The following FMN1 variants were observed in gnomAD, a reference collection of about 807,000 sequenced individuals.
FMN1 encodes the protein formin 1, also known as formin-1.
FMN1 carries 110 observed loss-of-function variants against 132.4 expected under a neutral mutation model. The ratio of observed to expected loss-of-function variants is 0.83; its 90% CI spans 0.71 to 0.97. The LOEUF is 0.97. FMN1 is among the 50% of genes least tolerant of loss of function. FMN1 has a pLI of 0.00. For missense variants in FMN1, 1,792 were observed against 1,705.3 expected (o/e 1.05, Z -0.90); for synonymous variants, 722 against 651.7 (o/e 1.11, Z -1.64).
rs1285603329 is a variant in FMN1 at position 32,926,092 on chromosome 15, T to A, written c.3226+82A>T. ...TAGGATTCATTAGGGCATTCTAACTTTGTATGTGTTTGACATTCTTCAGAA... is the reference window on the plus strand; with the variant it reads ...TAGGATTCATTAGGGCATTCTAACTATGTATGTGTTTGACATTCTTCAGAA... On this transcript the variant is annotated intron_variant, in intron 10 of 20. Transcript: ENST00000616417. The A allele has an allele frequency of 3.9e-6, 3 of 766,292 alleles. No homozygotes were observed. The East Asian group carries it at 8.1e-5, about 21-fold the overall frequency. 47.5% of individuals were successfully genotyped at this position (766,292 alleles called of 1,614,324 possible).
intron 9 of FMN1, among the ~76,000 whole-genome samples, chr15:32,956,355 C>A (rs1173142938): frequency 2.1e-5 from 3 of 140,920 alleles, no homozygotes; most frequent in Non-Finnish European, 3.0e-5. Context: ...CAAGTCCTAA[C>A]CACTCTTTTT....
At chr15:32,837,179 T>C (rs4780042) in intron 17 of FMN1, 49,652 of 229,294 alleles carry the variant, frequency 0.22, 6,434 homozygotes, top group Admixed American at 0.34. Context: ...ACAAGGAACA[T>C]TGCTTTATCC....
intron 4 of FMN1, among the ~76,000 whole-genome samples, chr15:33,144,520 C>A (rs1229127230): frequency 6.6e-6 from 1 of 151,656 alleles, no homozygotes; most frequent in Non-Finnish European, 1.5e-5. Context: ...GCCTGTAGTC[C>A]CAGGCTACTC....
intron 7 of FMN1, among the ~76,000 whole-genome samples, chr15:32,978,650 G>C (rs2032402571): frequency 6.6e-6 from 1 of 152,228 alleles, no homozygotes; most frequent in Non-Finnish European, 1.5e-5. Flanking sequence ...TGCAAGCTTA[G>C]AAGAAACAGA....
At chr15:32,983,348 G>A (rs1371767874) in intron 7 of FMN1, among the ~76,000 whole-genome samples, 2 of 152,160 alleles carry the variant, frequency 1.3e-5, no homozygotes, top group East Asian at 1.9e-4. Context: ...GATGCCAGGA[G>A]CCTGAGATCA....
intron 6 of FMN1, among the ~76,000 whole-genome samples, chr15:33,044,534 C>A (rs1203993695): frequency 6.6e-6 from 1 of 152,200 alleles, no homozygotes; most frequent in Non-Finnish European, 1.5e-5. Flanking sequence ...ACCAAAGGGT[C>A]TCCTCTCTGT....
intron 6 of FMN1, among the ~76,000 whole-genome samples, chr15:33,057,551 CAT>C (rs1356701777): frequency 6.6e-6 from 1 of 152,204 alleles, no homozygotes; most frequent in African/African-American, 2.4e-5. Context: ...TATCTTGCCA[CAT>C]GTCACAGCTG....
rs551303506 is a variant in FMN1 at position 33,080,469 on chromosome 15, C to G, written c.2043+8330G>C. On this transcript the variant is annotated intron_variant, in intron 5 of 20. Coordinates refer to ENST00000616417, the MANE Select transcript of FMN1 (RefSeq NM_001277313.2). ...TATGTCTGCTTAAAAGTTCCAGAGA[C>G]TGGCCAGGTGCAGTGGCTAATGCCT... 2.0e-5 allele frequency among the ~76,000 whole-genome samples: 3 copies of G among 152,332 alleles called. No individual in the cohort carries two copies. The South Asian group carries it at 6.2e-4, about 32-fold the overall frequency.
At chr15:33,078,859 A>G (rs2038333602) in intron 5 of FMN1, among the ~76,000 whole-genome samples, 1 of 152,210 alleles carries the variant, frequency 6.6e-6, no homozygotes, top group Non-Finnish European at 1.5e-5. Flanking sequence ...TGACGTACGT[A>G]GCAAGAGACC....
chr15:33,095,836 C>T (rs1471322004), intron 4 of FMN1, among the ~76,000 whole-genome samples: 5 of 152,034 alleles, frequency 3.3e-5, no homozygotes, highest in Non-Finnish European at 7.4e-5. Flanking sequence ...GATGTAATTA[C>T]TGGTTGTCTT....
In FMN1 at chr15:33,097,387, A is replaced by G. The variant is rs1013815654; in HGVS notation, c.1868-8413T>C. Among the ~76,000 whole-genome samples, 3 of 152,128 alleles carry G rather than the reference A, an allele frequency of 2.0e-5. No homozygotes were observed. In the East Asian group the frequency reaches 5.8e-4, roughly 29 times the overall value. On this transcript the variant is annotated intron_variant, in intron 4 of 20. Coordinates refer to ENST00000616417, the MANE Select transcript of FMN1 (RefSeq NM_001277313.2). ...AAGAAGTATTGGCTTCAATTTTCCA[A>G]ATTTGAAGAAAATTATTAACCCACA...
intron 4 of FMN1, among the ~76,000 whole-genome samples, chr15:33,108,494 G>T (rs931746994): frequency 4.6e-5 from 7 of 151,748 alleles, no homozygotes; most frequent in African/African-American, 1.5e-4. Context: ...TAGATTGCAA[G>T]GTAGATAACA....
At chr15:32,949,958 TATATATACACAC>T (rs1169320381) in intron 9 of FMN1, among the ~76,000 whole-genome samples, 21 of 50,268 alleles carry the variant, frequency 4.2e-4, no homozygotes, top group African/African-American at 7.9e-4. Context: ...TATATATATA[TATATATACACAC>T]ATATATATAC....
At chr15:33,021,247 T>TC (rs1271016406) in intron 6 of FMN1, among the ~76,000 whole-genome samples, 3 of 140,206 alleles carry the variant, frequency 2.1e-5, no homozygotes, top group Non-Finnish European at 4.9e-5. Context: ...TAGTTGACCT[T>TC]TACACCTATG....
At chr15:33,069,275 GC>G (rs1271772784) in intron 5 of FMN1, among the ~76,000 whole-genome samples, 2 of 152,164 alleles carry the variant, frequency 1.3e-5, no homozygotes, top group Non-Finnish European at 2.9e-5. Context: ...CTGCATAGCT[GC>G]CTCTTGGGAC....
chr15:33,098,176 G>A (rs1029198304), intron 4 of FMN1, among the ~76,000 whole-genome samples: 2 of 152,176 alleles, frequency 1.3e-5, no homozygotes, highest in African/African-American at 2.4e-5. Flanking sequence ...AATCACAAAG[G>A]AAATTAGAAA....
intron 6 of FMN1, chr15:33,063,919 A>G (rs1239380238): frequency 6.6e-6 from 1 of 152,178 alleles, no homozygotes; most frequent in Non-Finnish European, 1.5e-5. Context: ...TGCTATACAT[A>G]TTTTCATTAA....
chr15:32,808,484 A>G (rs2057759104), intron 17 of FMN1, among the ~76,000 whole-genome samples: 1 of 152,224 alleles, frequency 6.6e-6, no homozygotes, highest in Non-Finnish European at 1.5e-5. Flanking sequence ...CTGTTTTGCC[A>G]GAGTTAAATG....
chr15:32,825,059 A>C (rs1162730795), intron 17 of FMN1, among the ~76,000 whole-genome samples: 2 of 152,150 alleles, frequency 1.3e-5, no homozygotes, highest in Non-Finnish European at 2.9e-5. Context: ...TTTAAATCCA[A>C]TTCCTGTCTT....
Sources: allele counts gnomAD v4.1 joint callset (sites outside exome capture counted in the v4.1 genomes callset), GRCh38; gene constraint gnomAD v4.1.1; transcripts MANE v1.5; gene names NCBI Gene and HGNC (gene_info 2026-07-23, HGNC 2026-07-21).